The following AVEN variants were observed in gnomAD, a reference collection of about 807,000 sequenced individuals.
AVEN encodes cell death regulator Aven.
Under a neutral mutation model 38.1 loss-of-function variants are expected in AVEN, and 41 were observed. That is an observed-to-expected ratio of 1.08 (90% CI 0.84 to 1.40). AVEN has a LOEUF of 1.40. Ranked by LOEUF, AVEN falls within the 40% of genes most tolerant of loss-of-function variation. The pLI, the probability that AVEN is intolerant of heterozygous loss-of-function variation, is 0.00. For missense variants in AVEN, 605 were observed against 438.8 expected (o/e 1.38, Z -3.38); for synonymous variants, 206 against 171.8 (o/e 1.20, Z -1.56).
At chr15:34,013,782 G>A (rs999292082) in intron 1 of AVEN, among the ~76,000 whole-genome samples, 3 of 152,310 alleles carry the variant, frequency 2.0e-5, no homozygotes, top group African/African-American at 4.8e-5. Context: ...CCAGGCTTGT[G>A]AGCCAGTGGG....
At chr15:33,864,539 G>C (rs1889772934), downstream of AVEN, among the ~76,000 whole-genome samples, 1 of 151,164 alleles carries the variant, frequency 6.6e-6, no homozygotes, top group African/African-American at 2.4e-5. Context: ...GTGAGAGACA[G>C]GCTAAGAAAG....
upstream of AVEN, among the ~76,000 whole-genome samples, chr15:34,040,226 T>A (rs1210017019): frequency 6.6e-6 from 1 of 151,814 alleles, no homozygotes; most frequent in Non-Finnish European, 1.5e-5. Flanking sequence ...AGGAAGATAA[T>A]CTAGTCGTGT....
intron 2 of AVEN, among the ~76,000 whole-genome samples, chr15:33,953,944 T>TA (rs1235980791): frequency 1.3e-5 from 2 of 151,266 alleles, no homozygotes; most frequent in African/African-American, 2.4e-5. Context: ...TTCGAGAACT[T>TA]AAATTTTCAA....
Position 34,063,590 on chromosome 15 carries a change from C to T in AVEN, n.1127-158G>A, listed in dbSNP as rs1368500477. The T allele has an allele frequency of 5.6e-6, 9 of 1,613,790 alleles. No individual in the cohort carries two copies. The highest frequency in any genetic ancestry group is 4.5e-5 in the East Asian group (2 of 44,876). Reference sequence around the variant, plus strand: ...AGCCATCCCAAGCCACTGGCCCAAGCGCCAATTGGGCCAAAGCTGAGCAGC... The same window carrying T: ...AGCCATCCCAAGCCACTGGCCCAAGTGCCAATTGGGCCAAAGCTGAGCAGC... On this transcript the variant is annotated intron_variant and non_coding_transcript_variant, in intron 4 of 11. Coordinates refer to the AVEN transcript ENST00000675287. This position sits in a 1 kb window ranked among gnomAD's most constrained non-coding sequence, Gnocchi z 4.1.
At chr15:33,993,328 G>C (rs868778965) in intron 2 of AVEN, among the ~76,000 whole-genome samples, 1 of 152,182 alleles carries the variant, frequency 6.6e-6, no homozygotes, top group Non-Finnish European at 1.5e-5. Flanking sequence ...AACAGAAAGA[G>C]TTCTACAAAG....
intron 2 of AVEN, among the ~76,000 whole-genome samples, chr15:33,986,344 C>T (rs1452967408): frequency 2.0e-5 from 3 of 152,078 alleles, no homozygotes; most frequent in East Asian, 3.9e-4. Context: ...CTCCTGACCT[C>T]GTGATCCACC....
chr15:33,993,839 G>C, intron 2 of AVEN, among the ~76,000 whole-genome samples: 1 of 3,180 alleles, frequency 3.1e-4, no homozygotes, highest in East Asian at 0.021. Context: ...TAAAAAATAG[G>C]GTTTTTTTTT....
At chr15:33,863,650 T>G (rs967006770), downstream of AVEN, among the ~76,000 whole-genome samples, 1 of 152,096 alleles carries the variant, frequency 6.6e-6, no homozygotes, top group African/African-American at 2.4e-5. Flanking sequence ...CAGCTATTTA[T>G]GATGAAAACA....
At chr15:33,907,542 C>G (rs373505855) in intron 2 of AVEN, among the ~76,000 whole-genome samples, 3 of 152,266 alleles carry the variant, frequency 2.0e-5, no homozygotes, top group African/African-American at 7.2e-5. Flanking sequence ...GGAAATGTAG[C>G]CATATTTCAG....
intron 1 of AVEN, among the ~76,000 whole-genome samples, chr15:34,027,559 C>T (rs191793936): frequency 3.2e-4 from 49 of 151,236 alleles, no homozygotes; most frequent in Non-Finnish European, 6.5e-4. Context: ...AACGAACAGC[C>T]TCACAACTAT....
chr15:33,968,918 C>T (rs923665413), intron 2 of AVEN: 2 of 152,074 alleles, frequency 1.3e-5, no homozygotes, highest in African/African-American at 4.8e-5. Flanking sequence ...CAGATAAAGG[C>T]AAAACTCACC....
chr15:34,050,067 T>C (rs1899878935), intron 5 of AVEN, among the ~76,000 whole-genome samples: 2 of 151,878 alleles, frequency 1.3e-5, no homozygotes, highest in Non-Finnish European at 2.9e-5. Flanking sequence ...TTTGTATTTT[T>C]AGTAGAGATG....
chr15:34,024,408 G>C (rs886159125), intron 1 of AVEN, among the ~76,000 whole-genome samples: 2 of 149,436 alleles, frequency 1.3e-5, no homozygotes, highest in East Asian at 2.0e-4. Context: ...CCAGCATTTT[G>C]GGAGGCCAAG....
At chr15:33,853,224 G>C in the AVEN span, 3 of 920,976 alleles carry the variant, frequency 3.3e-6, no homozygotes, top group Non-Finnish European at 4.8e-6. Flanking sequence ...AGTCACAGAA[G>C]GGGTTGGATA....
chr15:34,008,953 C>T (rs1429548850), intron 1 of AVEN, among the ~76,000 whole-genome samples: 29 of 89,924 alleles, frequency 3.2e-4, no homozygotes, highest in African/African-American at 1.0e-3. Context: ...CGTGCGCGCG[C>T]GCACACACAC....
intron 2 of AVEN, among the ~76,000 whole-genome samples, chr15:33,980,798 A>G (rs1173434881): frequency 6.6e-6 from 1 of 152,232 alleles, no homozygotes; most frequent in Admixed American, 6.5e-5. Flanking sequence ...CATGTGTACC[A>G]TATGCAAAAC....
chr15:33,969,926 A>G (rs953046090), intron 2 of AVEN, among the ~76,000 whole-genome samples: 13 of 152,164 alleles, frequency 8.5e-5, no homozygotes, highest in East Asian at 5.8e-4. Context: ...TCACTGCATA[A>G]TGAGACTTCT....
chr15:33,886,562 C>T (rs1412645468), intron 2 of AVEN, among the ~76,000 whole-genome samples: 1 of 152,138 alleles, frequency 6.6e-6, no homozygotes, highest in Non-Finnish European at 1.5e-5. Flanking sequence ...CTCAGCCTCC[C>T]AAAGGAGAGT....
At chr15:33,967,542 G>C (rs1017365965) in intron 2 of AVEN, among the ~76,000 whole-genome samples, 3 of 151,856 alleles carry the variant, frequency 2.0e-5, no homozygotes, top group African/African-American at 7.3e-5. Flanking sequence ...GTTTCTGGAG[G>C]TTCATGTATT....
Sources: allele counts gnomAD v4.1 joint callset (sites outside exome capture counted in the v4.1 genomes callset), GRCh38; gene constraint gnomAD v4.1.1; non-coding constraint Gnocchi (gnomAD v3.1); transcripts MANE v1.5; gene names NCBI Gene and HGNC (gene_info 2026-07-23, HGNC 2026-07-21).